Variants in MYRIP observed in about 807,000 individuals in gnomAD.
MYRIP encodes the protein rab effector MyRIP.
In MYRIP, 49 loss-of-function variants were observed where a neutral mutation model predicts 98.0. The ratio of observed to expected loss-of-function variants is 0.50; its 90% CI spans 0.40 to 0.63. The LOEUF is 0.63. Among genes scored for constraint, MYRIP ranks in the 30% least tolerant of loss-of-function variants. MYRIP has a pLI of 0.00. For missense variants in MYRIP, 1,004 were observed against 1,058.2 expected, an observed-to-expected ratio of 0.95 and a Z score of 0.71; for synonymous variants, 404 against 409.5, an observed-to-expected ratio of 0.99 and a Z score of 0.16.
intron 3 of MYRIP, among the ~76,000 whole-genome samples, chr3:40,124,554 C>A (rs576287510): frequency 1.1e-4 from 17 of 152,302 alleles, no homozygotes; most frequent in Non-Finnish European, 2.2e-4. Context: ...CCTGTGCCAA[C>A]CCACACCTTT....
At chr3:39,933,840 A>C (rs1944596759) in intron 2 of MYRIP, among the ~76,000 whole-genome samples, 1 of 152,224 alleles carries the variant, frequency 6.6e-6, no homozygotes, top group African/African-American at 2.4e-5. Flanking sequence ...TTTATAGATA[A>C]AGAAACTGAG....
intron 2 of MYRIP, among the ~76,000 whole-genome samples, chr3:39,942,232 T>C (rs919176143): frequency 6.6e-6 from 1 of 152,146 alleles, no homozygotes; most frequent in Admixed American, 6.6e-5. Context: ...CAGGGCCACG[T>C]CACTGCAGTT....
intron 1 of MYRIP, among the ~76,000 whole-genome samples, chr3:39,833,090 T>C (rs1245870804): frequency 6.6e-6 from 1 of 151,954 alleles, no homozygotes; most frequent in Admixed American, 6.5e-5. Flanking sequence ...ACATGGAAAA[T>C]ATGCTTGAGA....
chr3:40,050,518 A>T (rs959300458), intron 3 of MYRIP, among the ~76,000 whole-genome samples: 2 of 152,078 alleles, frequency 1.3e-5, no homozygotes, highest in African/African-American at 4.8e-5. Context: ...GCATCTGATC[A>T]CCTGGGAGCT....
chr3:39,852,847 C>T (rs1447731860), intron 1 of MYRIP, among the ~76,000 whole-genome samples: 2 of 152,178 alleles, frequency 1.3e-5, no homozygotes, highest in Non-Finnish European at 2.9e-5. Context: ...GTGGCAAGAT[C>T]TTGGCTCACT....
At chr3:39,928,618 A>G (rs1013619604) in intron 2 of MYRIP, among the ~76,000 whole-genome samples, 1 of 150,124 alleles carries the variant, frequency 6.7e-6, no homozygotes, top group Admixed American at 6.7e-5. Flanking sequence ...AGCATTTGAC[A>G]AAATTCAACA....
In MYRIP at chr3:40,003,238, C is replaced by T. The variant is rs537640225; in HGVS notation, c.111-40812C>T. Among the ~76,000 whole-genome samples, 5 of 152,246 alleles carry T rather than the reference C, an allele frequency of 3.3e-5. No homozygotes were observed. The East Asian group carries it at 7.7e-4, about 24-fold the overall frequency. ...AGATACAGAGAGCCAGCACTTTTGG[C>T]TGGCTCTGTGTGGGAATCGGTGGCC... is the stretch of plus-strand genomic sequence containing the variant. On this transcript the variant is annotated intron_variant, in intron 2 of 16. Transcript: ENST00000302541.
chr3:39,849,646 T>G (rs781166160), intron 1 of MYRIP, among the ~76,000 whole-genome samples: 18 of 152,202 alleles, frequency 1.2e-4, no homozygotes, highest in Non-Finnish European at 2.6e-4. Context: ...GGAGGATTTT[T>G]GGGGACAGTA....
intron 2 of MYRIP, among the ~76,000 whole-genome samples, chr3:40,029,226 A>G (rs960478550): frequency 2.6e-5 from 4 of 152,166 alleles, no homozygotes; most frequent in African/African-American, 9.6e-5. Context: ...GGACTGAATA[A>G]CATCTTCCTT....
chr3:40,110,274 A>G (rs1244333738), intron 3 of MYRIP, among the ~76,000 whole-genome samples: 1 of 152,098 alleles, frequency 6.6e-6, no homozygotes, highest in Non-Finnish European at 1.5e-5. Context: ...TTTGCAGGTT[A>G]CTTTGCCCAG....
At chr3:39,870,442 GT>G (rs1470675612) in intron 1 of MYRIP, among the ~76,000 whole-genome samples, 2 of 152,170 alleles carry the variant, frequency 1.3e-5, no homozygotes, top group Non-Finnish European at 2.9e-5. Context: ...TAATATTTTC[GT>G]TTAGCTAGAG....
intron 3 of MYRIP, among the ~76,000 whole-genome samples, chr3:40,130,237 T>G (rs957876680): frequency 2.0e-5 from 3 of 152,202 alleles, no homozygotes; most frequent in African/African-American, 7.2e-5. Flanking sequence ...GTTCAGTCAG[T>G]GACATATCAG....
chr3:39,921,881 C>CAAA (rs34179419), intron 2 of MYRIP, among the ~76,000 whole-genome samples: 938 of 75,246 alleles, frequency 0.012, 31 homozygotes, highest in East Asian at 0.026. Context: ...GACTCCGTCT[C>CAAA]AAAAAAAAAA....
At chr3:40,129,465 A>C (rs539535655) in intron 3 of MYRIP, among the ~76,000 whole-genome samples, 1 of 148,368 alleles carries the variant, frequency 6.7e-6, no homozygotes, top group Non-Finnish European at 1.5e-5. Context: ...AAAAAAAAAA[A>C]AAAAAAAAAA....
intron 1 of MYRIP, among the ~76,000 whole-genome samples, chr3:39,889,909 C>A (rs891993540): frequency 2.6e-5 from 4 of 152,038 alleles, no homozygotes; most frequent in South Asian, 2.1e-4. Flanking sequence ...TATAACCATG[C>A]CTTACAATCC....
chr3:40,212,153 C>CATGTAT lies in MYRIP; in HGVS notation c.1905+2060_1905+2061insATGTAT, dbSNP rs1951958436. On this transcript the variant is annotated intron_variant, in intron 11 of 16. Coordinates refer to ENST00000302541, the MANE Select transcript of MYRIP (RefSeq NM_015460.4). ...GTGTATATATATATACATATATATA[C>CATGTAT]GTGTATATATATATACATATATATA... 2.8e-4 allele frequency among the ~76,000 whole-genome samples: 2 copies of CATGTAT among 7,032 alleles called. 1 individual carries two copies. Among genetic ancestry groups the CATGTAT allele is most frequent in the Non-Finnish European group, 7.2e-4 (2 of 2,760 alleles). 4.6% of individuals were successfully genotyped at this position (7,032 alleles called of 152,430 possible).
intron 1 of MYRIP, among the ~76,000 whole-genome samples, chr3:39,852,780 G>GTTCTCCTC (rs914890484): frequency 6.9e-6 from 1 of 145,752 alleles, no homozygotes; most frequent in Non-Finnish European, 1.5e-5. Context: ...CTTCTCTTCT[G>GTTCTCCTC]TTCTCCTCTT....
chr3:40,081,726 A>C (rs1056292349), intron 3 of MYRIP, among the ~76,000 whole-genome samples: 1 of 152,228 alleles, frequency 6.6e-6, no homozygotes, highest in East Asian at 1.9e-4. Flanking sequence ...TTTGAAATAC[A>C]ACGTATATTA....
At chr3:40,049,822 A>G (rs965864549) in intron 3 of MYRIP, among the ~76,000 whole-genome samples, 7 of 152,160 alleles carry the variant, frequency 4.6e-5, no homozygotes, top group Non-Finnish European at 1.0e-4. Context: ...TGAACACATG[A>G]ATGATAAAAT....
Sources: gnomAD v4.1 joint callset for allele counts (sites outside exome capture counted in the v4.1 genomes callset) on GRCh38, gnomAD v4.1.1 for gene constraint, MANE v1.5 for transcripts, NCBI Gene and HGNC (gene_info 2026-07-23, HGNC 2026-07-21) for gene names.